DNAH12: variants seen among roughly 807,000 people sequenced by gnomAD.
DNAH12 encodes dynein axonemal heavy chain 12, also known as axonemal beta dynein heavy chain 12.
A neutral mutation model predicts 371.5 loss-of-function variants in DNAH12; 285 were observed. The ratio of observed to expected loss-of-function variants is 0.77; its 90% CI spans 0.70 to 0.85. The LOEUF (loss-of-function observed/expected upper bound fraction) is 0.85, where lower values mean the gene tolerates loss of function less well. DNAH12 is among the 40% of genes least tolerant of loss of function. The pLI is 0.00. For missense variants in DNAH12, 3,611 were observed against 3,689.4 expected (o/e 0.98, Z 0.55); for synonymous variants, 1,200 against 1,213.0 (o/e 0.99, Z 0.22).
Position 57,361,444 on chromosome 3 carries a change from C to CTATATATATATATA in DNAH12, c.9360+2136_9360+2149dup, listed in dbSNP as rs1201361123. ...CACTATATATATATACACACACACA[C>CTATATATATATATA]TATATATATATATATATATATATAT... On this transcript the variant is annotated intron_variant, in intron 58 of 73. Transcript: ENST00000495027. 2.2e-3 allele frequency among the ~76,000 whole-genome samples: 262 copies of CTATATATATATATA among 116,648 alleles called. 8 individuals carry two copies. Among genetic ancestry groups the CTATATATATATATA allele is most frequent in the East Asian group, 0.021 (82 of 3,852 alleles). The allele number at this position is 116,648 out of a possible 152,430, so 76.5% of individuals were successfully genotyped here. A position where few individuals can be genotyped will look rare whatever the true frequency, so the allele number is the denominator to read the frequency against.
chr3:57,327,148 C>G (rs1048702238), intron 62 of DNAH12, among the ~76,000 whole-genome samples: 1 of 152,054 alleles, frequency 6.6e-6, no homozygotes, highest in Non-Finnish European at 1.5e-5. Flanking sequence ...TTAGACAGAT[C>G]AACGAGACAG....
intron 50 of DNAH12, among the ~76,000 whole-genome samples, chr3:57,381,080 G>A (rs1318822218): frequency 6.6e-6 from 1 of 152,028 alleles, no homozygotes; most frequent in East Asian, 1.9e-4. Context: ...ACTTACCTAG[G>A]CTCTCCAAGC....
chr3:57,433,255 T>A, intron 32 of DNAH12, 112 bp downstream of exon 32: 1 of 1,268,172 alleles, frequency 7.9e-7, no homozygotes, highest in Non-Finnish European at 1.0e-6. Context: ...CTCAACTTGC[T>A]GCATCCTTTA....
chr3:57,293,973 T>C lies in DNAH12; in HGVS notation c.11693-2A>G, dbSNP rs2061175483. 2.5e-5 allele frequency: 35 copies of C among 1,392,830 alleles called. No individual in the cohort carries two copies. The highest frequency in any genetic ancestry group is 3.2e-5 in the Non-Finnish European group (34 of 1,064,472). The allele number at this position is 1,392,830 out of a possible 1,614,324, so 86.3% of individuals were successfully genotyped here. On this transcript the variant is annotated splice_acceptor_variant, in intron 73 of 73. Transcript: ENST00000495027. LOFTEE classifies it high-confidence loss of function. ...ACTTTATAATCCGAGATTTTTGAGC[T>C]TGAAAAAAAAAAAGAAATATATTCA...
chr3:57,424,559 C>G (rs557015159), intron 35 of DNAH12, among the ~76,000 whole-genome samples: 2 of 147,830 alleles, frequency 1.4e-5, no homozygotes, highest in Non-Finnish European at 3.0e-5. Context: ...GGGTGGATCA[C>G]GAGGTCAGGA....
At chr3:57,313,838 T>G (rs1488298345) in intron 66 of DNAH12, among the ~76,000 whole-genome samples, 1 of 152,094 alleles carries the variant, frequency 6.6e-6, no homozygotes, top group Admixed American at 6.6e-5. Context: ...AGAATCTCTT[T>G]GAATGTGGTC....
chr3:57,359,808 A>G (rs1054669389), intron 58 of DNAH12, among the ~76,000 whole-genome samples: 2 of 152,134 alleles, frequency 1.3e-5, no homozygotes, highest in African/African-American at 4.8e-5. Context: ...TTGTGGGTTC[A>G]GGGAAAAGGG....
At chr3:57,525,747 T>A (rs187717213) in intron 2 of DNAH12, among the ~76,000 whole-genome samples, 116 of 142,618 alleles carry the variant, frequency 8.1e-4, no homozygotes, top group Middle Eastern at 3.5e-3. Context: ...GCAAATAGTA[T>A]GTCTTATTCT....
chr3:57,461,480 T>G lies in DNAH12; in HGVS notation c.2736+9A>C. On this transcript the variant is annotated intron_variant, in intron 19 of 73. Transcript: ENST00000495027. ...AATGACCAAGAGCTGATTATCACATTTAACATACCTTGATCTCATGTTCAA... is the reference window on the plus strand; with the variant it reads ...AATGACCAAGAGCTGATTATCACATGTAACATACCTTGATCTCATGTTCAA... 6.4e-7 allele frequency: 1 copy of G among 1,551,032 alleles called. No individual in the cohort carries two copies. Among genetic ancestry groups the G allele is most frequent in the Non-Finnish European group, 8.7e-7 (1 of 1,146,658 alleles).
intron 4 of DNAH12, among the ~76,000 whole-genome samples, chr3:57,520,211 C>A (rs937618929): frequency 4.6e-5 from 7 of 151,544 alleles, no homozygotes; most frequent in African/African-American, 1.7e-4. Context: ...CTCCGGAGTT[C>A]AAGCGATCTC....
chr3:57,424,976 G>A (rs1270180645), intron 35 of DNAH12, 46 bp downstream of exon 35: 1 of 681,562 alleles, frequency 1.5e-6, no homozygotes, highest in African/African-American at 1.8e-5. Context: ...TGTACCAGAA[G>A]CATAATTTAT....
chr3:57,303,221 C>T (rs2061399301), intron 69 of DNAH12, among the ~76,000 whole-genome samples: 1 of 151,104 alleles, frequency 6.6e-6, no homozygotes, highest in Admixed American at 6.6e-5. Context: ...CGCCTGTAGT[C>T]CCAGCTACTC....
chr3:57,454,758 AG>A lies in DNAH12; in HGVS notation c.3456+16del, dbSNP rs959819538. 6.5e-7 allele frequency: 1 copy of A among 1,548,854 alleles called. No individual in the cohort carries two copies. Among genetic ancestry groups the A allele is most frequent in the African/African-American group, 1.4e-5 (1 of 72,912 alleles). On this transcript the variant is annotated intron_variant, in intron 23 of 73. Coordinates refer to ENST00000495027, the MANE Select transcript of DNAH12 (RefSeq NM_001366028.2). ...CCTGGAATGAAGGATGTTACTTAAA[AG>A]CAAACAATGCTTTACCTCCGTCCCG... is the stretch of plus-strand genomic sequence containing the variant.
chr3:57,525,381 T>A (rs2068609427), intron 2 of DNAH12, among the ~76,000 whole-genome samples: 1 of 152,168 alleles, frequency 6.6e-6, no homozygotes, highest in South Asian at 2.1e-4. Context: ...TCTAGTTTGG[T>A]ACCTTACCTA....
chr3:57,408,360 C>G lies in DNAH12; in HGVS notation c.6196G>C (p.Val2066Leu), dbSNP rs2064101050. 2.6e-6 allele frequency: 4 copies of G among 1,551,524 alleles called. No individual in the cohort carries two copies. ...ETMVRIFSSI[V>L]AFYLRTHEFP... is the part of the protein sequence containing the mutation. ...TCATGAGTTCTAAGGTAGAATGCTA[C>G]AATAGATGAGAAGATTCGGACCATA... is the stretch of plus-strand genomic sequence containing the variant. Residue 2066 changes from valine (V) to leucine (L), a missense_variant, in exon 40 of 74, where the codon GTA (valine) becomes CTA (leucine). Physicochemically the swap from Val to Leu is conservative, Grantham distance 32 (BLOSUM62 1). Transcript: ENST00000495027.
intron 39 of DNAH12, among the ~76,000 whole-genome samples, chr3:57,410,309 A>AT (rs201159158): frequency 2.7e-5 from 4 of 150,742 alleles, no homozygotes; most frequent in South Asian, 2.1e-4. Context: ...AAACTTTTCC[A>AT]TTTTTTTTAT....
intron 32 of DNAH12, among the ~76,000 whole-genome samples, chr3:57,433,132 C>T (rs1466101749): frequency 2.0e-5 from 3 of 149,966 alleles, no homozygotes; most frequent in Non-Finnish European, 4.4e-5. Context: ...ACTATGTCTT[C>T]TGGCTAACAC....
intron 44 of DNAH12, among the ~76,000 whole-genome samples, chr3:57,393,193 T>C (rs1382749142): frequency 1.3e-5 from 2 of 152,154 alleles, no homozygotes; most frequent in East Asian, 3.9e-4. Flanking sequence ...AAAAGCAGAG[T>C]ACTTGAAAGT....
chr3:57,459,755 T>C lies in DNAH12; in HGVS notation c.2768A>G (p.Glu923Gly). ...AWEDRLIRIQ[E>G]TIDEWLKVQA... ...TACTTTTAACCATTCATCAATTGTT[T>C]CTTGTATTCGAATCAAGCGGTCCTC... Residue 923 changes from glutamate to glycine, a missense_variant, in exon 20 of 74, where the codon GAA becomes GGA. Physicochemically the swap from Glu to Gly is moderately conservative, Grantham distance 98. Around this residue, in one of 3 missense-constraint regions of DNAH12, gnomAD observed 1,314 missense variants for 1,398.7 expected, o/e 0.94. Transcript: ENST00000495027. 1 of 1,524,902 alleles carries C rather than the reference T, an allele frequency of 6.6e-7. No homozygotes were observed. Among genetic ancestry groups the C allele is most frequent in the East Asian group, 2.5e-5 (1 of 40,430 alleles). The allele number at this position is 1,524,902 out of a possible 1,614,324, so 94.5% of individuals were successfully genotyped here.
Sources: gnomAD v4.1 joint callset for allele counts (sites outside exome capture counted in the v4.1 genomes callset) on GRCh38, gnomAD v4.1.1 for gene constraint, gnomAD v4.1.1 regional missense constraint, MANE v1.5 for transcripts, NCBI Gene and HGNC (gene_info 2026-07-23, HGNC 2026-07-21) for gene names.